Variants in DENND2B observed in about 807,000 individuals in gnomAD.
The protein encoded by DENND2B is DENN domain containing 2B.
In DENND2B, 32 loss-of-function variants were observed where a neutral mutation model predicts 116.0. The ratio of observed to expected loss-of-function variants is 0.28; its 90% CI spans 0.21 to 0.37. The LOEUF is 0.37. Ranked by LOEUF, DENND2B falls within the 10% of genes least tolerant of loss-of-function variation. The pLI is 1.00. For synonymous variants in DENND2B, 588 were observed against 583.9 expected (o/e 1.01, Z -0.10); for missense variants, 1,276 against 1,477.7 (o/e 0.86, Z 2.24).
chr11:8,880,007 A>G (rs1001778400), intron 2 of DENND2B, among the ~76,000 whole-genome samples: 2 of 152,196 alleles, frequency 1.3e-5, no homozygotes, highest in East Asian at 1.9e-4. Flanking sequence ...TTAGGTACCA[A>G]TAGAATGGTG....
rs1346101074 is a variant in DENND2B at position 8,752,879 on chromosome 11, T to TA, written c.-25-2155dup. Among the ~76,000 whole-genome samples the TA allele has an allele frequency of 2.6e-5, 4 of 152,266 alleles. No homozygotes were observed. In the East Asian group the frequency reaches 7.7e-4, roughly 29 times the overall value. On this transcript the variant is annotated intron_variant, in intron 1 of 19. Transcript: ENST00000313726. ...ATGTAGAAAATCCTAAGGATTCCAC[T>TA]AAAAAACCTATTAAACTGCTGAGTG... is the stretch of plus-strand genomic sequence containing the variant.
intron 1 of DENND2B, among the ~76,000 whole-genome samples, chr11:8,910,241 C>A (rs2064299865): frequency 6.6e-6 from 1 of 151,796 alleles, no homozygotes; most frequent in Non-Finnish European, 1.5e-5. Flanking sequence ...GACAGCCCCG[C>A]CTCCGTCTCG....
At chr11:8,746,792 A>T (rs538270351) in intron 2 of DENND2B, among the ~76,000 whole-genome samples, 1 of 152,354 alleles carries the variant, frequency 6.6e-6, no homozygotes, top group Admixed American at 6.5e-5. Context: ...CTTTGGGGGC[A>T]GGAAGATCCC....
intron 4 of DENND2B, among the ~76,000 whole-genome samples, chr11:8,723,531 C>G (rs924088110): frequency 4.6e-5 from 7 of 152,222 alleles, no homozygotes; most frequent in African/African-American, 1.7e-4. Context: ...CCTACTCACT[C>G]ATTCGGGAGG....
At chr11:8,722,489 G>C (rs1223145035) in intron 4 of DENND2B, among the ~76,000 whole-genome samples, 9 of 152,172 alleles carry the variant, frequency 5.9e-5, no homozygotes, top group Non-Finnish European at 4.4e-5. Context: ...GGAAGTCCGA[G>C]CCACTGATCA....
intron 2 of DENND2B, among the ~76,000 whole-genome samples, chr11:8,858,375 AAAG>A (rs1157976099): frequency 1.3e-5 from 2 of 152,140 alleles, no homozygotes; most frequent in Non-Finnish European, 2.9e-5. Flanking sequence ...GAAGAAAAAG[AAAG>A]GAGGGGATTA....
chr11:8,815,232 TA>T (rs1034776662), upstream of DENND2B, among the ~76,000 whole-genome samples: 14 of 146,838 alleles, frequency 9.5e-5, no homozygotes, highest in East Asian at 3.9e-4. Context: ...ACATTTTTAC[TA>T]AAAAAAAAAG....
intron 1 of DENND2B, 148 bp downstream of exon 1, chr11:8,810,369 A>C (rs2061281036): frequency 6.6e-6 from 1 of 152,310 alleles, no homozygotes; most frequent in Middle Eastern, 3.4e-3. Flanking sequence ...TCCTTAAGCT[A>C]ATAGAATCCA....
At chr11:8,868,499 A>T (rs1054574296) in intron 2 of DENND2B, among the ~76,000 whole-genome samples, 2 of 152,212 alleles carry the variant, frequency 1.3e-5, no homozygotes, top group Non-Finnish European at 2.9e-5. Context: ...GCAGCTGTGA[A>T]AGCACCCATG....
At chr11:8,906,146 T>G (rs894495715) in intron 1 of DENND2B, among the ~76,000 whole-genome samples, 3 of 151,924 alleles carry the variant, frequency 2.0e-5, no homozygotes, top group African/African-American at 7.2e-5. Flanking sequence ...AAATATACAC[T>G]TAAGACAGGT....
At chr11:8,851,203 A>G (rs2062994520) in intron 3 of DENND2B, among the ~76,000 whole-genome samples, 1 of 152,070 alleles carries the variant, frequency 6.6e-6, no homozygotes. Flanking sequence ...TCAAAAAAAC[A>G]TAGGTATGTA....
At chr11:8,905,257 A>T (rs1382579171) in intron 1 of DENND2B, among the ~76,000 whole-genome samples, 1 of 152,204 alleles carries the variant, frequency 6.6e-6, no homozygotes, top group African/African-American at 2.4e-5. Context: ...TGGTGAATTG[A>T]TTTTTGACAA....
At chr11:8,889,832 C>CAA (rs1233147811) in intron 1 of DENND2B, among the ~76,000 whole-genome samples, 1 of 152,218 alleles carries the variant, frequency 6.6e-6, no homozygotes, top group African/African-American at 2.4e-5. Context: ...CATAGCCAAA[C>CAA]AAAAGGCAGC....
chr11:8,755,846 T>C (rs7949286), intron 1 of DENND2B, among the ~76,000 whole-genome samples: 2,845 of 152,286 alleles, frequency 0.019, 90 homozygotes, highest in African/African-American at 0.065. Context: ...ATGATGATGA[T>C]GATAAAGTCA....
At chr11:8,818,842 A>T (rs1034980688) in intron 4 of DENND2B, among the ~76,000 whole-genome samples, 2 of 152,226 alleles carry the variant, frequency 1.3e-5, no homozygotes, top group South Asian at 2.1e-4. Flanking sequence ...GGTATTAATA[A>T]TGTCACCACA....
intron 7 of DENND2B, 124 bp from the exon 8 acceptor site, chr11:8,714,166 AT>A: frequency 1.0e-6 from 1 of 982,238 alleles, no homozygotes; most frequent in Non-Finnish European, 1.6e-6. Flanking sequence ...CTCTGGGCCC[AT>A]GGTCAGGCAT....
At chr11:8,774,554 C>G (rs1189985173) in intron 1 of DENND2B, among the ~76,000 whole-genome samples, 1 of 152,208 alleles carries the variant, frequency 6.6e-6, no homozygotes, top group African/African-American at 2.4e-5. Context: ...CCTTCAGTAG[C>G]ACCACTACCA....
chr11:8,869,001 C>T (rs953320433), intron 2 of DENND2B, among the ~76,000 whole-genome samples: 3 of 152,326 alleles, frequency 2.0e-5, no homozygotes, highest in Non-Finnish European at 4.4e-5. Context: ...TTATTTTAAG[C>T]TCATCAGCTA....
chr11:8,813,354 C>G (rs61505319), upstream of DENND2B, among the ~76,000 whole-genome samples: 1,602 of 152,174 alleles, frequency 0.011, 37 homozygotes, highest in African/African-American at 0.037. Context: ...ATCCCCAACC[C>G]CACCCAAGCC....
Sources: gnomAD v4.1 joint callset for allele counts (sites outside exome capture counted in the v4.1 genomes callset) on GRCh38, gnomAD v4.1.1 for gene constraint, MANE v1.5 for transcripts, NCBI Gene and HGNC (gene_info 2026-07-23, HGNC 2026-07-21) for gene names.